Variants in ETV1 observed in about 807,000 individuals in gnomAD.
The protein encoded by ETV1 is ETS translocation variant 1.
Under a neutral mutation model 62.3 loss-of-function variants are expected in ETV1, and 27 were observed. The ratio of observed to expected loss-of-function variants is 0.43; its 90% CI spans 0.32 to 0.60. The LOEUF (loss-of-function observed/expected upper bound fraction) is 0.60, where lower values mean the gene tolerates loss of function less well. Ranked by LOEUF, ETV1 falls within the 20% of genes least tolerant of loss-of-function variation. The pLI is 0.06. For missense variants in ETV1, 605 were observed against 605.8 expected (o/e 1.00, Z 0.01); for synonymous variants, 222 against 199.6 (o/e 1.11, Z -0.94).
intron 6 of ETV1, among the ~76,000 whole-genome samples, chr7:13,951,068 C>T (rs1788760984): frequency 6.6e-6 from 1 of 151,998 alleles, no homozygotes; most frequent in Non-Finnish European, 1.5e-5. Flanking sequence ...ACAGTCCCCA[C>T]CACTCCATTC....
chr7:13,896,114 C>A (rs1315636739), intron 13 of ETV1, 27 bp from the exon 14 acceptor site: 4 of 1,572,512 alleles, frequency 2.5e-6, no homozygotes, highest in Non-Finnish European at 3.5e-6. Flanking sequence ...AGAGAAAAAC[C>A]CATCCTCACC....
chr7:13,918,772 C>T (rs369121972), intron 9 of ETV1, among the ~76,000 whole-genome samples: 2 of 150,638 alleles, frequency 1.3e-5, no homozygotes, highest in East Asian at 2.0e-4. Flanking sequence ...ATACCTAATG[C>T]TAGATGACGA....
At chr7:13,902,374 G>C (rs1782530333) in intron 12 of ETV1, among the ~76,000 whole-genome samples, 1 of 151,858 alleles carries the variant, frequency 6.6e-6, no homozygotes, top group South Asian at 2.1e-4. Flanking sequence ...GCATCAGTAT[G>C]TTTTTTAAGA....
chr7:13,907,971 T>C (rs958135962), intron 11 of ETV1: 8 of 358,778 alleles, frequency 2.2e-5, no homozygotes, highest in African/African-American at 1.4e-4. Flanking sequence ...GACAGTTTTA[T>C]TTATCTCAGT....
intron 9 of ETV1, among the ~76,000 whole-genome samples, chr7:13,912,502 A>C (rs1019488736): frequency 6.6e-6 from 1 of 152,180 alleles, no homozygotes; most frequent in African/African-American, 2.4e-5. Context: ...TACTGATTTA[A>C]AATTCATAAT....
chr7:13,934,916 C>A (rs189336635), intron 8 of ETV1, among the ~76,000 whole-genome samples: 1 of 152,072 alleles, frequency 6.6e-6, no homozygotes, highest in Non-Finnish European at 1.5e-5. Context: ...TTTACCAGCA[C>A]GCCACTGCAT....
intron 12 of ETV1, among the ~76,000 whole-genome samples, chr7:13,901,795 G>A (rs1782461887): frequency 6.6e-6 from 1 of 152,126 alleles, no homozygotes; most frequent in African/African-American, 2.4e-5. Flanking sequence ...GAAGGAAGTG[G>A]AAAAGGTCAC....
At chr7:13,934,570 G>A (rs1266434258) in intron 8 of ETV1, among the ~76,000 whole-genome samples, 1 of 152,136 alleles carries the variant, frequency 6.6e-6, no homozygotes, top group African/African-American at 2.4e-5. Context: ...TTTTGAGCCA[G>A]TTCTTAAACA....
chr7:13,939,493 T>C (rs2128459846), intron 6 of ETV1, among the ~76,000 whole-genome samples: 1 of 152,346 alleles, frequency 6.6e-6, no homozygotes, highest in Non-Finnish European at 1.5e-5. Context: ...GTGAATCACT[T>C]GTAATTTGCT....
chr7:13,932,290 T>C (rs1409655785), intron 8 of ETV1, among the ~76,000 whole-genome samples: 1 of 152,142 alleles, frequency 6.6e-6, no homozygotes, highest in Admixed American at 6.6e-5. Context: ...GGACTTTCAA[T>C]TCCTCAACAA....
chr7:13,954,181 A>G (rs1789149391), intron 6 of ETV1, among the ~76,000 whole-genome samples: 1 of 152,238 alleles, frequency 6.6e-6, no homozygotes, highest in Admixed American at 6.5e-5. Flanking sequence ...TATTAACATG[A>G]AATAAAATAA....
intron 6 of ETV1, among the ~76,000 whole-genome samples, chr7:13,961,803 A>G (rs1790200232): frequency 6.6e-6 from 1 of 152,104 alleles, no homozygotes; most frequent in Non-Finnish European, 1.5e-5. Flanking sequence ...TTGTTTTTGA[A>G]TTCCTATGGT....
chr7:13,941,701 T>C (rs2128462150), intron 6 of ETV1, among the ~76,000 whole-genome samples: 1 of 152,056 alleles, frequency 6.6e-6, no homozygotes, highest in East Asian at 1.9e-4. Context: ...TGAAACCCCA[T>C]CTCCACTAAA....
chr7:13,972,174 T>A (rs1780973564), intron 6 of ETV1, among the ~76,000 whole-genome samples: 1 of 152,048 alleles, frequency 6.6e-6, no homozygotes, highest in Non-Finnish European at 1.5e-5. Flanking sequence ...GTATGATGGC[T>A]CATGCCTGCA....
Position 13,939,177 on chromosome 7 carries a change from G to C in ETV1, c.305C>G (p.Ala102Gly). The C allele has an allele frequency of 6.2e-7, 1 of 1,613,174 alleles. No homozygotes were observed. The highest frequency in any genetic ancestry group is 8.5e-7 in the Non-Finnish European group (1 of 1,179,588). The change falls in exon 7 of 14, where the codon GCC becomes GGC. Residue 102 changes from alanine (A) to glycine (G), a missense_variant. By Grantham distance (60) the Ala-to-Gly change is moderately conservative (BLOSUM62 0). Coordinates refer to ENST00000430479, the MANE Select transcript of ETV1 (RefSeq NM_004956.5). ...PHSPCSEISS[A>G]CSQEQPFKFS... ...TTTAAAGGGCTGTTCTTGACTGCAG[G>C]CAGAGCTGATTTCTGAACATGGACT...
chr7:13,908,920 A>G (rs1312665192), intron 11 of ETV1, among the ~76,000 whole-genome samples: 1 of 152,042 alleles, frequency 6.6e-6, no homozygotes, highest in African/African-American at 2.4e-5. Flanking sequence ...GAACCACTAA[A>G]TCAATTAACT....
intron 9 of ETV1, among the ~76,000 whole-genome samples, chr7:13,923,323 C>T (rs1418989930): frequency 6.6e-6 from 1 of 152,208 alleles, no homozygotes; most frequent in Admixed American, 6.5e-5. Context: ...AATTACTTCA[C>T]TACTTTTCCT....
chr7:13,983,465 T>A (rs1383267521), intron 5 of ETV1, among the ~76,000 whole-genome samples: 1 of 152,120 alleles, frequency 6.6e-6, no homozygotes, highest in Non-Finnish European at 1.5e-5. Context: ...AGAATTGATA[T>A]TTAAACTCAT....
At chr7:13,943,677 C>G (rs1787817392) in intron 6 of ETV1, among the ~76,000 whole-genome samples, 1 of 151,964 alleles carries the variant, frequency 6.6e-6, no homozygotes, top group Non-Finnish European at 1.5e-5. Flanking sequence ...GGAATGAATA[C>G]AGGAATAAAA....
Sources: allele counts gnomAD v4.1 joint callset (sites outside exome capture counted in the v4.1 genomes callset), GRCh38; gene constraint gnomAD v4.1.1; transcripts MANE v1.5; gene names NCBI Gene and HGNC (gene_info 2026-07-23, HGNC 2026-07-21).